The following THEM4 variants were observed in gnomAD, a reference collection of about 807,000 sequenced individuals.
THEM4 encodes thioesterase superfamily member 4.
Under a neutral mutation model 25.0 loss-of-function variants are expected in THEM4, and 22 were observed. The ratio of observed to expected loss-of-function variants is 0.88; its 90% CI spans 0.63 to 1.26. THEM4 has a LOEUF of 1.26. Ranked by LOEUF, THEM4 falls within the 50% of genes most tolerant of loss-of-function variation. THEM4 has a pLI of 0.00. For synonymous variants in THEM4, 113 were observed against 105.6 expected, an observed-to-expected ratio of 1.07 and a Z score of -0.43; for missense variants, 286 against 300.3, an observed-to-expected ratio of 0.95 and a Z score of 0.35.
chr1:151,894,411 A>G (rs1428543246), intron 2 of THEM4, among the ~76,000 whole-genome samples: 2 of 152,204 alleles, frequency 1.3e-5, no homozygotes, highest in East Asian at 3.8e-4. Context: ...TGTAACAAAT[A>G]CACCACAGTA....
chr1:151,871,968 T>G lies in THEM4; in HGVS notation c.*2920A>C, dbSNP rs1236833617. ...ATATTTTTTAACATGTGAAATATAA[T>G]TATTGTAAGAGTCCACTCTCTTAAG... is the stretch of plus-strand genomic sequence containing the variant. On this transcript the variant is annotated 3_prime_UTR_variant, in exon 6 of 6. Coordinates refer to ENST00000368814, the MANE Select transcript of THEM4 (RefSeq NM_053055.5). 6.6e-6 allele frequency among the ~76,000 whole-genome samples: 1 copy of G among 152,178 alleles called. No homozygotes were observed. The highest frequency in any genetic ancestry group is 1.9e-4 in the East Asian group (1 of 5,200).
chr1:151,894,131 G>A (rs1344431856), intron 2 of THEM4, among the ~76,000 whole-genome samples: 1 of 152,138 alleles, frequency 6.6e-6, no homozygotes, highest in Admixed American at 6.5e-5. Flanking sequence ...CCAAAGTGCT[G>A]GGATTATAGG....
chr1:151,903,765 T>C (rs1017013439), intron 1 of THEM4, among the ~76,000 whole-genome samples: 4 of 152,226 alleles, frequency 2.6e-5, no homozygotes, highest in Non-Finnish European at 5.9e-5. Flanking sequence ...CTTAAACAAG[T>C]AACACTAGGA....
chr1:151,909,116 G>A (rs2101735693), intron 1 of THEM4, among the ~76,000 whole-genome samples: 1 of 152,226 alleles, frequency 6.6e-6, no homozygotes, highest in East Asian at 1.9e-4. Context: ...TTCAGGTAGC[G>A]CCCTGCCGAC....
chr1:151,872,400 T>C lies in THEM4; in HGVS notation c.*2488A>G, dbSNP rs1391189653. The stretch of plus-strand genomic sequence containing the variant: ...TGTTCTTCGAAATAGTGATTTCATA[T>C]GGTTCAGCTTAAATTTCTAATATGG... On this transcript the variant is annotated 3_prime_UTR_variant, in exon 6 of 6. Coordinates refer to ENST00000368814, the MANE Select transcript of THEM4 (RefSeq NM_053055.5). Among the ~76,000 whole-genome samples, 1 of 152,230 alleles carries C rather than the reference T, an allele frequency of 6.6e-6. No homozygotes were observed. The highest frequency in any genetic ancestry group is 1.5e-5 in the Non-Finnish European group (1 of 68,040).
chr1:151,886,194 A>G (rs921758934), intron 4 of THEM4, among the ~76,000 whole-genome samples: 1 of 152,200 alleles, frequency 6.6e-6, no homozygotes, highest in Non-Finnish European at 1.5e-5. Flanking sequence ...TATCCATATG[A>G]CTTCAGGTAA....
chr1:151,899,614 G>T (rs1040613817), intron 1 of THEM4, among the ~76,000 whole-genome samples: 9 of 151,826 alleles, frequency 5.9e-5, no homozygotes, highest in Admixed American at 2.0e-4. Flanking sequence ...GAAAGAAAAA[G>T]AACAAGAAAA....
intron 1 of THEM4, among the ~76,000 whole-genome samples, chr1:151,898,347 C>T (rs1017878794): frequency 6.6e-6 from 1 of 152,036 alleles, no homozygotes; most frequent in African/African-American, 2.4e-5. Flanking sequence ...CTGTATGACT[C>T]AGCAGAGGCA....
At chr1:151,898,029 C>T (rs1654263634) in intron 1 of THEM4, among the ~76,000 whole-genome samples, 1 of 152,168 alleles carries the variant, frequency 6.6e-6, no homozygotes, top group African/African-American at 2.4e-5. Context: ...TAAAATTCCA[C>T]AGGGAGAAGA....
In THEM4 at chr1:151,889,280, T is replaced by C; in HGVS notation, c.380A>G (p.Tyr127Cys). The C allele has an allele frequency of 6.2e-7, 1 of 1,614,080 alleles. No homozygotes were observed. The highest frequency in any genetic ancestry group is 8.5e-7 in the Non-Finnish European group (1 of 1,179,970). The part of the protein sequence containing the change: ...DGLGFEYVMF[Y>C]NDIEKRMVCL... ...AACCATCCTTTTCTCAATGTCATTGTAGAACATCACGTATTCAAAGCCCAG... is the reference window on the plus strand; with the variant it reads ...AACCATCCTTTTCTCAATGTCATTGCAGAACATCACGTATTCAAAGCCCAG... The change falls in exon 3 of 6, where the codon TAC becomes TGC. Residue 127 changes from tyrosine to cysteine, a missense_variant. By Grantham distance (194) the Tyr-to-Cys change is radical. Coordinates refer to ENST00000368814, the MANE Select transcript of THEM4 (RefSeq NM_053055.5).
At chr1:151,909,339 C>G (rs1346588067) in intron 1 of THEM4, 21 bp downstream of exon 1, 1 of 1,512,034 alleles carries the variant, frequency 6.6e-7, no homozygotes, top group Admixed American at 2.1e-5. Flanking sequence ...CCGCCCCATG[C>G]CCGAGGGTGC....
intron 1 of THEM4, among the ~76,000 whole-genome samples, chr1:151,897,235 A>G (rs1384288418): frequency 6.6e-6 from 1 of 152,208 alleles, no homozygotes; most frequent in Non-Finnish European, 1.5e-5. Context: ...TTATCAATTC[A>G]TTCAGATTTA....
chr1:151,874,817 G>A lies in THEM4; in HGVS notation c.*71C>T, dbSNP rs371667674. On this transcript the variant is annotated 3_prime_UTR_variant, in exon 6 of 6. Transcript: ENST00000368814. ...TCCCTACAGGGATTCAGCAGTGAGGGAGCAGAGTATTTGGGGGACAACTGC... is the reference window on the plus strand; with the variant it reads ...TCCCTACAGGGATTCAGCAGTGAGGAAGCAGAGTATTTGGGGGACAACTGC... The A allele has an allele frequency of 4.9e-4, 695 of 1,411,804 alleles. 3 individuals are homozygous for A. The African/African-American group carries it at 8.9e-3, about 18-fold the overall frequency. 87.5% of individuals were successfully genotyped at this position (1,411,804 alleles called of 1,614,324 possible).
chr1:151,903,603 T>C (rs1276434629), intron 1 of THEM4, among the ~76,000 whole-genome samples: 1 of 152,246 alleles, frequency 6.6e-6, no homozygotes, highest in Non-Finnish European at 1.5e-5. Flanking sequence ...ATTATGTAAC[T>C]TTTAAAGGAC....
chr1:151,909,462 T>G lies in THEM4; in HGVS notation c.-4A>C. 1 of 1,386,152 alleles carries G rather than the reference T, an allele frequency of 7.2e-7. No homozygotes were observed. The highest frequency in any genetic ancestry group is 1.6e-5 in the South Asian group (1 of 61,904). The allele number at this position is 1,386,152 out of a possible 1,614,324, so 85.9% of individuals were successfully genotyped here. On this transcript the variant is annotated 5_prime_UTR_variant, in exon 1 of 6. Transcript: ENST00000368814. ...GCGCGGCGCAGCTCCTCAGCATGGC[T>G]CCGGGCCGCGGGGCCGCGCTTGCTC...
intron 1 of THEM4, among the ~76,000 whole-genome samples, chr1:151,907,883 T>C (rs1654506870): frequency 6.6e-6 from 1 of 152,158 alleles, no homozygotes; most frequent in Non-Finnish European, 1.5e-5. Context: ...TGCATGGTGG[T>C]GTCTGCAGCA....
At position 151,874,720 on chromosome 1, in the gene THEM4, G is replaced by A; in HGVS notation, c.*168C>T. 1 of 706,620 alleles carries A rather than the reference G, an allele frequency of 1.4e-6. No individual in the cohort carries two copies. Among genetic ancestry groups the A allele is most frequent in the South Asian group, 1.7e-5 (1 of 58,590 alleles). The allele number at this position is 706,620 out of a possible 1,614,324, so 43.8% of individuals were successfully genotyped here. A position where few individuals can be genotyped will look rare whatever the true frequency, so the allele number is the denominator to read the frequency against. On this transcript the variant is annotated 3_prime_UTR_variant, in exon 6 of 6. Transcript: ENST00000368814. ...GCAGGAAGTATTTCTGTGTTAAAAA[G>A]TTGAGAAGATGGAAACTGAATCCTC...
chr1:151,889,757 G>A, intron 2 of THEM4: 1 of 166,178 alleles, frequency 6.0e-6, no homozygotes, highest in Non-Finnish European at 1.3e-5. Flanking sequence ...CAGAAAGGAG[G>A]TTTCCCTGGC....
chr1:151,894,524 C>T (rs1207311167), intron 2 of THEM4, among the ~76,000 whole-genome samples: 2 of 151,964 alleles, frequency 1.3e-5, no homozygotes, highest in Non-Finnish European at 2.9e-5. Context: ...AATTATAATG[C>T]TAAAAAAGTA....
Sources: allele counts gnomAD v4.1 joint callset (sites outside exome capture counted in the v4.1 genomes callset), GRCh38; gene constraint gnomAD v4.1.1; transcripts MANE v1.5; gene names NCBI Gene and HGNC (gene_info 2026-07-23, HGNC 2026-07-21).